The following AGAP1 variants were observed in gnomAD, a reference collection of about 807,000 sequenced individuals.
AGAP1 encodes arf-GAP with GTPase, ANK repeat and PH domain-containing protein 1.
AGAP1 carries 29 observed loss-of-function variants against 105.3 expected under a neutral mutation model. The observed-to-expected ratio is 0.28, with a 90% CI of 0.21 to 0.38. The LOEUF (loss-of-function observed/expected upper bound fraction) is 0.38. Ranked by LOEUF, AGAP1 falls within the 10% of genes least tolerant of loss-of-function variation. The pLI, the probability that AGAP1 is intolerant of heterozygous loss-of-function variation, is 1.00. For missense variants in AGAP1, 998 were observed against 1,165.1 expected (o/e 0.86, Z 2.09); for synonymous variants, 509 against 485.9 (o/e 1.05, Z -0.63).
At chr2:235,581,134 CAAAAAAAAAAAAAA>C (rs60330965) in intron 1 of AGAP1, among the ~76,000 whole-genome samples, 1 of 88,284 alleles carries the variant, frequency 1.1e-5, no homozygotes, top group East Asian at 4.3e-4. Context: ...CCATCTCAAG[CAAAAAAAAAAAAAA>C]AAAAAAAAAA....
chr2:235,977,151 G>A lies in AGAP1; in HGVS notation c.1645+8528G>A, dbSNP rs561645314. Among the ~76,000 whole-genome samples, 7 of 152,290 alleles carry A rather than the reference G, an allele frequency of 4.6e-5. No homozygotes were observed. Among genetic ancestry groups the A allele is most frequent in the Admixed American group, 3.3e-4 (5 of 15,304 alleles). ...TCCGGCGTCCATCAGCAGAGAACTCGGGGCACCGTGTTTTCCTGTGTGCAC... is the reference window on the plus strand; with the variant it reads ...TCCGGCGTCCATCAGCAGAGAACTCAGGGCACCGTGTTTTCCTGTGTGCAC... On this transcript the variant is annotated intron_variant, in intron 13 of 17. Transcript: ENST00000304032. This position sits in a 1 kb window ranked among gnomAD's most constrained non-coding sequence, Gnocchi z 5.2.
chr2:236,008,301 C>T (rs1184999529), intron 13 of AGAP1, among the ~76,000 whole-genome samples: 1 of 152,176 alleles, frequency 6.6e-6, no homozygotes, highest in Non-Finnish European at 1.5e-5. Flanking sequence ...GCCATGGAGC[C>T]TCAGTGTCAG....
chr2:236,017,991 A>G (rs1412345961), intron 13 of AGAP1, among the ~76,000 whole-genome samples: 1 of 152,078 alleles, frequency 6.6e-6, no homozygotes, highest in Non-Finnish European at 1.5e-5. Context: ...GTGGATAAAA[A>G]CAAACAAAAC....
chr2:236,022,087 T>C (rs1198139655), intron 13 of AGAP1, among the ~76,000 whole-genome samples: 7 of 146,626 alleles, frequency 4.8e-5, no homozygotes, highest in African/African-American at 1.8e-4. Flanking sequence ...AAGGCACATA[T>C]GGCACCCTAC....
chr2:236,024,194 CT>C (rs2056980208), intron 13 of AGAP1, among the ~76,000 whole-genome samples: 1 of 151,950 alleles, frequency 6.6e-6, no homozygotes. Context: ...CCACGCCCAG[CT>C]AATTTTTTTA....
At position 236,104,892 on chromosome 2, in the gene AGAP1, T is replaced by A. The variant is rs1268473392; in HGVS notation, c.2115-15300T>A. 6.6e-6 allele frequency among the ~76,000 whole-genome samples: 1 copy of A among 151,404 alleles called. No individual in the cohort carries two copies. The highest frequency in any genetic ancestry group is 1.5e-5 in the Non-Finnish European group (1 of 67,860). ...TGCAGCCTGGGCTACAGAGCGAGAC[T>A]CTGTCTCAAGGAAAAAAAAAAGGAC... On this transcript the variant is annotated intron_variant, in intron 16 of 17. Transcript: ENST00000304032. The surrounding 1 kb of genome is among the most constrained non-coding windows in gnomAD (Gnocchi z 4.7).
intron 1 of AGAP1, among the ~76,000 whole-genome samples, chr2:235,542,861 G>A (rs1271549492): frequency 6.6e-6 from 1 of 152,154 alleles, no homozygotes; most frequent in Admixed American, 6.5e-5. Flanking sequence ...GGCCCCTCCT[G>A]TAAAAGGCTC....
chr2:235,573,054 C>CTTCTTCTTTCTTCTTTCTTCTTTCTTCT lies in AGAP1; in HGVS notation c.163+78221_163+78248dup, dbSNP rs554093718. On this transcript the variant is annotated intron_variant, in intron 1 of 17. Transcript: ENST00000304032. Reference sequence around the variant, plus strand: ...TCTTCTTCTTCTTCTTCTTCTTCTTCTTCTTCTTTCTTCTTTCTTCTTTCT... The same window carrying CTTCTTCTTTCTTCTTTCTTCTTTCTTCT: ...TCTTCTTCTTCTTCTTCTTCTTCTTCTTCTTCTTTCTTCTTTCTTCTTTCTTCTTTCTTCTTTCTTCTTTCTTCTTTCT... Among the ~76,000 whole-genome samples the CTTCTTCTTTCTTCTTTCTTCTTTCTTCT allele has an allele frequency of 1.6e-3, 35 of 22,148 alleles. 1 individual carries two copies. Among genetic ancestry groups the CTTCTTCTTTCTTCTTTCTTCTTTCTTCT allele is most frequent in the African/African-American group, 9.4e-3 (34 of 3,634 alleles). The allele number at this position is 22,148 out of a possible 152,430, so 14.5% of individuals were successfully genotyped here. A position where few individuals can be genotyped will look rare whatever the true frequency, so the allele number is the denominator to read the frequency against.
chr2:235,749,905 C>T (rs1037267840), intron 5 of AGAP1, among the ~76,000 whole-genome samples: 3 of 152,212 alleles, frequency 2.0e-5, no homozygotes, highest in African/African-American at 4.8e-5. Context: ...CAGAAACAAA[C>T]CCCAAATGGG....
At chr2:235,911,555 T>C (rs2051616677) in intron 11 of AGAP1, among the ~76,000 whole-genome samples, 1 of 152,262 alleles carries the variant, frequency 6.6e-6, no homozygotes, top group Admixed American at 6.5e-5. Flanking sequence ...ATGCCACTGT[T>C]GTCCTAAGGG....
chr2:235,911,164 A>G (rs928514260), intron 11 of AGAP1, among the ~76,000 whole-genome samples: 3 of 152,200 alleles, frequency 2.0e-5, no homozygotes, highest in Non-Finnish European at 2.9e-5. Context: ...TGGTGTTTTG[A>G]ATTATGTATA....
In AGAP1 at chr2:236,073,151, A is replaced by G. The variant is rs2058549124; in HGVS notation, c.2114+23870A>G. ...GCTGGGATTACAGGCGCACGCCACC[A>G]CGCCTGGCTAATTTTTGTATTTTTT... On this transcript the variant is annotated intron_variant, in intron 16 of 17. Coordinates refer to ENST00000304032, the MANE Select transcript of AGAP1 (RefSeq NM_001037131.3). The surrounding 1 kb of genome is among the most constrained non-coding windows in gnomAD (Gnocchi z 5.4). 6.6e-6 allele frequency among the ~76,000 whole-genome samples: 1 copy of G among 152,002 alleles called. No individual in the cohort carries two copies. The highest frequency in any genetic ancestry group is 2.4e-5 in the African/African-American group (1 of 41,404).
At chr2:235,688,054 A>AC (rs1326300761) in intron 1 of AGAP1, among the ~76,000 whole-genome samples, 2 of 151,736 alleles carry the variant, frequency 1.3e-5, no homozygotes, top group Non-Finnish European at 2.9e-5. Flanking sequence ...GGCACGCACC[A>AC]CCATACCCAG....
intron 1 of AGAP1, among the ~76,000 whole-genome samples, chr2:235,648,708 CAAAAAAA>C (rs200700617): frequency 9.8e-5 from 13 of 132,182 alleles, no homozygotes; most frequent in Non-Finnish European, 2.1e-4. Context: ...CCCATCTCTA[CAAAAAAA>C]AAAAAAAAAA....
At chr2:235,717,701 C>A in intron 3 of AGAP1, 57 bp downstream of exon 3, 1 of 1,440,096 alleles carries the variant, frequency 6.9e-7, no homozygotes, top group Non-Finnish European at 9.6e-7. Context: ...AAAATTTTTC[C>A]TTAGCATATT....
At position 235,964,639 on chromosome 2, in the gene AGAP1, A is replaced by C. The variant is rs1439101584; in HGVS notation, c.1484-3823A>C. On this transcript the variant is annotated intron_variant, in intron 12 of 17. Transcript: ENST00000304032. The surrounding 1 kb of genome is among the most constrained non-coding windows in gnomAD (Gnocchi z 4.6). ...GTTATGAGGCTTCTGAACACTGTTA[A>C]ATCATAAATAAAAATTAATTAGGCT... is the stretch of plus-strand genomic sequence containing the variant. Among the ~76,000 whole-genome samples, 1 of 152,190 alleles carries C rather than the reference A, an allele frequency of 6.6e-6. No individual in the cohort carries two copies. The highest frequency in any genetic ancestry group is 6.5e-5 in the Admixed American group (1 of 15,278).
chr2:235,806,938 C>T (rs538159173), intron 8 of AGAP1, among the ~76,000 whole-genome samples: 16 of 152,182 alleles, frequency 1.1e-4, no homozygotes, highest in Non-Finnish European at 2.4e-4. Flanking sequence ...TTCTGTTGGG[C>T]GTTACTTTCC....
At chr2:235,717,018 G>A (rs527891157) in intron 2 of AGAP1, among the ~76,000 whole-genome samples, 5 of 152,038 alleles carry the variant, frequency 3.3e-5, no homozygotes, top group Non-Finnish European at 4.4e-5. Context: ...TGCCCTCCTC[G>A]CCTGTGTGGC....
chr2:235,518,584 G>A (rs1157495323), intron 1 of AGAP1, among the ~76,000 whole-genome samples: 3 of 152,148 alleles, frequency 2.0e-5, no homozygotes, highest in African/African-American at 7.2e-5. Context: ...GCCTTGGGAG[G>A]GGCACGGAGC....
Sources: allele counts gnomAD v4.1 joint callset (sites outside exome capture counted in the v4.1 genomes callset), GRCh38; gene constraint gnomAD v4.1.1; non-coding constraint Gnocchi (gnomAD v3.1); transcripts MANE v1.5; gene names NCBI Gene and HGNC (gene_info 2026-07-23, HGNC 2026-07-21).